Variants in PALM2AKAP2 observed in about 807,000 individuals in gnomAD.
PALM2AKAP2 encodes the protein PALM2-AKAP2 fusion protein.
Under a neutral mutation model 71.5 loss-of-function variants are expected in PALM2AKAP2, and 37 were observed. The ratio of observed to expected loss-of-function variants is 0.52; its 90% confidence interval spans 0.40 to 0.68. The LOEUF is 0.68. Among genes scored for constraint, PALM2AKAP2 ranks in the 30% least tolerant of loss-of-function variants. The pLI is 0.00. For missense variants in PALM2AKAP2, 1,224 were observed against 1,191.8 expected (o/e 1.03, Z -0.40); for synonymous variants, 468 against 478.8 (o/e 0.98, Z 0.29).
At chr9:109,875,749 C>T (rs1283794496) in intron 2 of PALM2AKAP2, among the ~76,000 whole-genome samples, 1 of 152,292 alleles carries the variant, frequency 6.6e-6, no homozygotes, top group East Asian at 1.9e-4. Context: ...GAATCTGTGT[C>T]TTAGGAAGTT....
chr9:109,924,777 T>A (rs1830914392), intron 4 of PALM2AKAP2, among the ~76,000 whole-genome samples: 1 of 152,168 alleles, frequency 6.6e-6, no homozygotes, highest in African/African-American at 2.4e-5. Context: ...ATGAAATCAA[T>A]TTAGGATGGG....
At chr9:109,781,822 T>C (rs1033178186) in intron 1 of PALM2AKAP2, among the ~76,000 whole-genome samples, 2 of 152,210 alleles carry the variant, frequency 1.3e-5, no homozygotes, top group African/African-American at 4.8e-5. Context: ...TCTTTCTCTT[T>C]CCCCCTGTGC....
chr9:109,885,743 A>G (rs1411129238), intron 3 of PALM2AKAP2, among the ~76,000 whole-genome samples: 1 of 152,172 alleles, frequency 6.6e-6, no homozygotes, highest in African/African-American at 2.4e-5. Flanking sequence ...CTTAGAGCTG[A>G]AGTCTCTCCT....
At chr9:109,858,337 T>C (rs7874370) in intron 1 of PALM2AKAP2, among the ~76,000 whole-genome samples, 3,738 of 146,684 alleles carry the variant, frequency 0.025, 151 homozygotes, top group African/African-American at 0.091. Context: ...TGTAAATGTT[T>C]GCTAGCATTA....
intron 6 of PALM2AKAP2, among the ~76,000 whole-genome samples, chr9:109,951,181 C>A (rs1237807234): frequency 8.0e-6 from 1 of 124,856 alleles, no homozygotes; most frequent in African/African-American, 3.1e-5. Flanking sequence ...AAATTTTCAG[C>A]TTTAGCATCT....
At chr9:109,853,331 A>G (rs1829071233) in intron 1 of PALM2AKAP2, among the ~76,000 whole-genome samples, 1 of 152,238 alleles carries the variant, frequency 6.6e-6, no homozygotes, top group Admixed American at 6.5e-5. Flanking sequence ...TTATATTGCT[A>G]GTGACAAAAC....
intron 1 of PALM2AKAP2, among the ~76,000 whole-genome samples, chr9:110,049,663 G>T (rs569914390): frequency 3.9e-5 from 6 of 152,198 alleles, no homozygotes; most frequent in African/African-American, 1.2e-4. Context: ...CACTGGGCAA[G>T]CCGTACCTGT....
At chr9:109,955,415 T>TTAC (rs1831727824) in intron 6 of PALM2AKAP2, among the ~76,000 whole-genome samples, 2 of 152,354 alleles carry the variant, frequency 1.3e-5, no homozygotes, top group South Asian at 2.1e-4. Context: ...TAGGGTATCC[T>TTAC]GTGTTTCATG....
At chr9:109,703,143 A>G (rs1828089465) in intron 1 of PALM2AKAP2, among the ~76,000 whole-genome samples, 3 of 152,108 alleles carry the variant, frequency 2.0e-5, no homozygotes, top group Admixed American at 1.3e-4. Flanking sequence ...TCTAAAAGAC[A>G]TTTCCCATTT....
chr9:110,063,005 GC>G (rs1387317404), intron 1 of PALM2AKAP2, among the ~76,000 whole-genome samples: 2 of 152,122 alleles, frequency 1.3e-5, no homozygotes, highest in Non-Finnish European at 2.9e-5. Flanking sequence ...AGTCACCCAG[GC>G]CCTGCCAGAC....
intron 1 of PALM2AKAP2, among the ~76,000 whole-genome samples, chr9:110,063,399 A>G (rs551067903): frequency 3.3e-5 from 5 of 150,336 alleles, no homozygotes; most frequent in Non-Finnish European, 7.4e-5. Context: ...GTGTCTTCAC[A>G]TGGTCTCTCC....
At chr9:109,675,192 A>C (rs898435385) in intron 1 of PALM2AKAP2, among the ~76,000 whole-genome samples, 1 of 152,120 alleles carries the variant, frequency 6.6e-6, no homozygotes, top group Non-Finnish European at 1.5e-5. Flanking sequence ...ACTCTGATGT[A>C]AGTAAAGGAG....
chr9:109,708,120 A>G (rs1444881751), intron 1 of PALM2AKAP2, among the ~76,000 whole-genome samples: 1 of 152,148 alleles, frequency 6.6e-6, no homozygotes, highest in Non-Finnish European at 1.5e-5. Context: ...ATATTTCATC[A>G]TAAGAGTATT....
At chr9:110,120,531 C>T (rs1253839176) in intron 1 of PALM2AKAP2, among the ~76,000 whole-genome samples, 1 of 152,200 alleles carries the variant, frequency 6.6e-6, no homozygotes, top group East Asian at 1.9e-4. Flanking sequence ...GAGACAGAGT[C>T]TTGCTCTGTT....
At chr9:109,640,934 C>T (rs1372382044) in intron 1 of PALM2AKAP2, 7 of 1,462,428 alleles carry the variant, frequency 4.8e-6, no homozygotes, top group African/African-American at 1.5e-5. Context: ...ACCGCGGCGG[C>T]AGGCAGATCC....
chr9:110,023,824 T>C (rs1406778244), intron 7 of PALM2AKAP2, among the ~76,000 whole-genome samples: 1 of 151,968 alleles, frequency 6.6e-6, no homozygotes, highest in African/African-American at 2.4e-5. Flanking sequence ...AAACCCAGTC[T>C]CTACGAAATA....
At chr9:109,839,267 A>G (rs138322589) in intron 1 of PALM2AKAP2, among the ~76,000 whole-genome samples, 3,329 of 152,346 alleles carry the variant, frequency 0.022, 90 homozygotes, top group African/African-American at 0.056. Context: ...GCATATAAAC[A>G]GAACCAAAGA....
At chr9:110,088,606 G>A (rs1834625357) in intron 1 of PALM2AKAP2, among the ~76,000 whole-genome samples, 1 of 150,202 alleles carries the variant, frequency 6.7e-6, no homozygotes, top group Non-Finnish European at 1.5e-5. Context: ...TAGGTTCCCT[G>A]CCTCTAGACC....
At chr9:110,094,035 A>C (rs981764065) in intron 1 of PALM2AKAP2, among the ~76,000 whole-genome samples, 2 of 152,192 alleles carry the variant, frequency 1.3e-5, no homozygotes, top group Non-Finnish European at 2.9e-5. Context: ...GAAGCCAGGG[A>C]TGCTGCTTAA....
Sources: allele counts gnomAD v4.1 joint callset (sites outside exome capture counted in the v4.1 genomes callset), GRCh38; gene constraint gnomAD v4.1.1; transcripts MANE v1.5; gene names NCBI Gene and HGNC (gene_info 2026-07-23, HGNC 2026-07-21).